Variants in NADK observed in about 807,000 individuals in gnomAD.
NADK encodes NAD kinase.
NADK carries 22 observed loss-of-function variants against 49.8 expected under a neutral mutation model. The ratio of observed to expected loss-of-function variants is 0.44; its 90% confidence interval spans 0.32 to 0.63. The LOEUF is 0.63. NADK is among the 30% of genes least tolerant of loss of function. The pLI, the probability that NADK is intolerant of heterozygous loss-of-function variation, is 0.06. For missense variants in NADK, 438 were observed against 609.4 expected (o/e 0.72, Z 2.96); for synonymous variants, 268 against 253.7 (o/e 1.06, Z -0.54).
At chr1:1,756,063 G>A in intron 6 of NADK, 195 bp downstream of exon 6, 1 of 621,110 alleles carries the variant, frequency 1.6e-6, no homozygotes, top group Non-Finnish European at 2.9e-6. Context: ...CCCAGCCGTA[G>A]CACTGTGTCC....
chr1:1,759,035 C>T, intron 3 of NADK: 1 of 1,449,672 alleles, frequency 6.9e-7, no homozygotes, highest in Non-Finnish European at 9.1e-7. Context: ...CCGGCCTGGT[C>T]AGCCAGCAAA....
chr1:1,757,155 G>GGCCC, intron 4 of NADK, 26 bp downstream of exon 4: 1 of 1,299,250 alleles, frequency 7.7e-7, no homozygotes, highest in South Asian at 1.3e-5. Context: ...TGCACCCCAG[G>GGCCC]CCCCCTTCCC....
intron 3 of NADK, among the ~76,000 whole-genome samples, chr1:1,760,386 C>T (rs778522146): frequency 1.9e-4 from 29 of 152,174 alleles, no homozygotes; most frequent in Non-Finnish European, 4.1e-4. Flanking sequence ...CACGCTGCCG[C>T]GGGGCCCACA....
chr1:1,758,950 C>T (rs376298280), intron 3 of NADK: 9 of 1,086,754 alleles, frequency 8.3e-6, no homozygotes, highest in East Asian at 5.7e-5. Context: ...GGTGGAAGGG[C>T]GTTCCCTGCC....
Position 1,770,197 on chromosome 1 carries a change from G to GA in NADK, c.-40-4752dup, listed in dbSNP as rs200372940. Among the ~76,000 whole-genome samples, 354 of 148,166 alleles carry GA rather than the reference G, an allele frequency of 2.4e-3. 1 individual carries two copies. Among genetic ancestry groups the GA allele is most frequent in the African/African-American group, 8.0e-3 (323 of 40,374 alleles). On this transcript the variant is annotated intron_variant, in intron 1 of 11. Coordinates refer to ENST00000341426, the MANE Select transcript of NADK (RefSeq NM_023018.5). The stretch of plus-strand genomic sequence containing the variant: ...TCAATAAAAAGAAAAAAGAAAAAAA[G>GA]AAAAAAAAACCATGAAAAATTCAAT...
At chr1:1,761,195 A>C (rs569777204) in intron 3 of NADK, among the ~76,000 whole-genome samples, 12 of 152,086 alleles carry the variant, frequency 7.9e-5, no homozygotes, top group Non-Finnish European at 7.4e-5. Context: ...GTTTCACCAT[A>C]TTGGCCAGGC....
intron 3 of NADK, chr1:1,759,132 T>C (rs978031928): frequency 1.9e-6 from 3 of 1,553,940 alleles, no homozygotes; most frequent in Admixed American, 1.9e-5. Context: ...ATTCCAGCCC[T>C]GAGGCTCAGC....
Position 1,757,176 on chromosome 1 carries a change from C to T in NADK, c.393+5G>A, listed in dbSNP as rs781009607. ...CCAGGCCCCCTTCCCCCCTGCCCCG[C>T]GTGCCTCCATGAGGTGCGTGCAGAG... On this transcript the variant is annotated splice_donor_5th_base_variant and intron_variant, in intron 4 of 11. Coordinates refer to ENST00000341426, the MANE Select transcript of NADK (RefSeq NM_023018.5). 5.0e-6 allele frequency: 8 copies of T among 1,608,930 alleles called. No individual in the cohort carries two copies. In the South Asian group the frequency reaches 5.5e-5, roughly 11 times the overall value.
At chr1:1,776,300 C>T (rs1417233759) in intron 1 of NADK, among the ~76,000 whole-genome samples, 1 of 152,172 alleles carries the variant, frequency 6.6e-6, no homozygotes, top group Non-Finnish European at 1.5e-5. Flanking sequence ...GGCCAACTTT[C>T]TGGGACACCC....
chr1:1,772,365 T>G (rs1288341729), intron 1 of NADK, among the ~76,000 whole-genome samples: 2 of 152,054 alleles, frequency 1.3e-5, no homozygotes, highest in East Asian at 3.9e-4. Context: ...GGTTTTGCCA[T>G]GTTGCCCAGG....
In NADK at chr1:1,765,287, G is replaced by A; in HGVS notation, c.120C>T (p.Gly40=). The change falls in exon 2 of 12, where the codon GGC becomes GGT. Residue 40 remains glycine, a synonymous_variant. Transcript: ENST00000341426. ...CAGACAGGCTGCGAGACTTGGCCCG[G>A]CCCCGGATGGGGTGGTTGTAACTCC... ...ETWSYNHPIR[G]RAKSRSLSAS... The A allele has an allele frequency of 6.2e-7, 1 of 1,613,152 alleles. No homozygotes were observed. Among genetic ancestry groups the A allele is most frequent in the South Asian group, 1.1e-5 (1 of 90,986 alleles).
intron 1 of NADK, among the ~76,000 whole-genome samples, chr1:1,769,884 C>G (rs981651157): frequency 2.6e-5 from 4 of 152,090 alleles, no homozygotes; most frequent in Admixed American, 2.6e-4. Flanking sequence ...TGAGACCAGC[C>G]TGACCAACAC....
chr1:1,753,271 A>C (rs1281056232), intron 11 of NADK, among the ~76,000 whole-genome samples: 1 of 152,122 alleles, frequency 6.6e-6, no homozygotes, highest in African/African-American at 2.4e-5. Context: ...GGAACTGACA[A>C]ACTCTGCCCC....
At chr1:1,761,843 C>G (rs758700480) in intron 3 of NADK, 109 bp downstream of exon 3, 37 of 951,796 alleles carry the variant, frequency 3.9e-5, no homozygotes, top group Non-Finnish European at 5.9e-5. Flanking sequence ...TCCCACAACT[C>G]CACACACATC....
chr1:1,756,997 C>T (rs1645547170), intron 4 of NADK, 184 bp downstream of exon 4: 4 of 1,007,758 alleles, frequency 4.0e-6, no homozygotes, highest in Middle Eastern at 2.3e-4. Context: ...CAGTCTGGTG[C>T]TTGCCATGGC....
chr1:1,767,529 A>G (rs1254963830), intron 1 of NADK, among the ~76,000 whole-genome samples: 1 of 152,214 alleles, frequency 6.6e-6, no homozygotes, highest in East Asian at 1.9e-4. Context: ...AGAAACAATA[A>G]AAATCACTCA....
intron 3 of NADK, among the ~76,000 whole-genome samples, chr1:1,760,431 G>A (rs1645683766): frequency 2.0e-5 from 3 of 152,212 alleles, no homozygotes; most frequent in Admixed American, 2.0e-4. Context: ...ACTCCCCCGT[G>A]GCTCCTGGGA....
intron 3 of NADK, chr1:1,759,600 GA>G (rs958140817): frequency 1.8e-6 from 2 of 1,081,154 alleles, no homozygotes; most frequent in Admixed American, 2.7e-5. Context: ...AGATGCATGG[GA>G]AGCCCTGCCC....
At position 1,759,327 on chromosome 1, in the gene NADK, A is replaced by G. The variant is rs1212541818; in HGVS notation, c.264-2017T>C. On this transcript the variant is annotated intron_variant, in intron 3 of 11. Coordinates refer to ENST00000341426, the MANE Select transcript of NADK (RefSeq NM_023018.5). ...GGGCAGGGGGTGGCGTGAAGCTTGC[A>G]GGCACACACGGCTGTGGGTACTGCA... is the stretch of plus-strand genomic sequence containing the variant. The G allele has an allele frequency of 2.1e-6, 3 of 1,441,820 alleles. No homozygotes were observed. The African/African-American group carries it at 4.7e-5, about 23-fold the overall frequency. 89.3% of individuals were successfully genotyped at this position (1,441,820 alleles called of 1,614,324 possible).
Sources: allele counts gnomAD v4.1 joint callset (sites outside exome capture counted in the v4.1 genomes callset), GRCh38; gene constraint gnomAD v4.1.1; transcripts MANE v1.5; gene names NCBI Gene and HGNC (gene_info 2026-07-23, HGNC 2026-07-21).